Variants in FBXW7 observed in about 807,000 individuals in gnomAD.
The protein encoded by FBXW7 is F-box/WD repeat-containing protein 7.
In FBXW7, 11 loss-of-function variants were observed where a neutral mutation model predicts 86.3. The observed-to-expected ratio is 0.13, with a 90% confidence interval of 0.08 to 0.21. FBXW7 has a LOEUF of 0.21. Among genes scored for constraint, FBXW7 ranks in the 10% least tolerant of loss-of-function variants. FBXW7 has a pLI of 1.00. For synonymous variants in FBXW7, 313 were observed against 297.9 expected, an observed-to-expected ratio of 1.05 and a Z score of -0.52; for missense variants, 488 against 847.4, an observed-to-expected ratio of 0.58 and a Z score of 5.27.
At chr4:152,468,278 C>T (rs1425202678) in intron 2 of FBXW7, among the ~76,000 whole-genome samples, 3 of 151,274 alleles carry the variant, frequency 2.0e-5, no homozygotes, top group African/African-American at 7.3e-5. Context: ...CCCACCCCAT[C>T]CATATATACT....
chr4:152,394,839 G>A (rs1425383743), intron 4 of FBXW7, among the ~76,000 whole-genome samples: 1 of 152,012 alleles, frequency 6.6e-6, no homozygotes, highest in African/African-American at 2.4e-5. Context: ...TTAACGGTTT[G>A]TGCAAGGTCA....
intron 2 of FBXW7, among the ~76,000 whole-genome samples, chr4:152,436,498 A>T (rs1740399540): frequency 6.6e-6 from 1 of 152,250 alleles, no homozygotes; most frequent in Non-Finnish European, 1.5e-5. Context: ...AAGTTACCTA[A>T]AAGGTCTAGC....
At chr4:152,504,272 A>G (rs1388455846) in intron 2 of FBXW7, among the ~76,000 whole-genome samples, 2 of 152,300 alleles carry the variant, frequency 1.3e-5, no homozygotes, top group East Asian at 3.9e-4. Flanking sequence ...ATTTACATTG[A>G]AATTTAAAGT....
chr4:152,333,513 TG>T, intron 7 of FBXW7, among the ~76,000 whole-genome samples: 1 of 152,146 alleles, frequency 6.6e-6, no homozygotes, highest in East Asian at 1.9e-4. Context: ...TTATAGCCTC[TG>T]ACTGATTATT....
intron 2 of FBXW7, among the ~76,000 whole-genome samples, chr4:152,515,572 T>C (rs1279356344): frequency 6.6e-6 from 1 of 152,242 alleles, no homozygotes; most frequent in Non-Finnish European, 1.5e-5. Flanking sequence ...CTAAATTCTG[T>C]ACATTTAGTA....
chr4:152,394,803 T>C (rs1579082932), intron 4 of FBXW7, among the ~76,000 whole-genome samples: 2 of 152,086 alleles, frequency 1.3e-5, no homozygotes, highest in South Asian at 4.1e-4. Context: ...TAGATGCTAC[T>C]ACCGTCCCTA....
At chr4:152,363,738 T>A (rs1056832762) in intron 4 of FBXW7, among the ~76,000 whole-genome samples, 1 of 152,138 alleles carries the variant, frequency 6.6e-6, no homozygotes, top group African/African-American at 2.4e-5. Flanking sequence ...GTGTTTTTCT[T>A]ATATTAATTC....
At chr4:152,395,673 A>G (rs1007221736) in intron 4 of FBXW7, among the ~76,000 whole-genome samples, 2 of 152,046 alleles carry the variant, frequency 1.3e-5, no homozygotes. Context: ...CTTCCACTCC[A>G]AACAACCCAA....
chr4:152,529,960 G>T (rs549396414), intron 2 of FBXW7, among the ~76,000 whole-genome samples: 1 of 151,494 alleles, frequency 6.6e-6, no homozygotes, highest in Non-Finnish European at 1.5e-5. Flanking sequence ...AGAGGCTGAG[G>T]TAGGAGGATG....
intron 2 of FBXW7, among the ~76,000 whole-genome samples, chr4:152,477,255 G>C (rs1206272086): frequency 6.6e-6 from 1 of 152,018 alleles, no homozygotes; most frequent in Non-Finnish European, 1.5e-5. Flanking sequence ...AGTTCCAAAG[G>C]GGTAGGTCAA....
At chr4:152,447,946 T>C (rs1221942911) in intron 2 of FBXW7, among the ~76,000 whole-genome samples, 3 of 152,210 alleles carry the variant, frequency 2.0e-5, no homozygotes, top group Non-Finnish European at 4.4e-5. Context: ...CCAGAATATG[T>C]TGATATTTAG....
chr4:152,475,198 G>A (rs1028912369), intron 2 of FBXW7, among the ~76,000 whole-genome samples: 2 of 151,582 alleles, frequency 1.3e-5, no homozygotes, highest in East Asian at 3.9e-4. Context: ...CCCAGTACAA[G>A]TGGGAGGATC....
chr4:152,403,062 G>A (rs905894296), intron 4 of FBXW7, among the ~76,000 whole-genome samples: 1 of 152,134 alleles, frequency 6.6e-6, no homozygotes, highest in South Asian at 2.1e-4. Flanking sequence ...TTAAAATCAG[G>A]ACTAAAAACC....
At chr4:152,428,605 G>A (rs1459798886) in intron 2 of FBXW7, among the ~76,000 whole-genome samples, 2 of 152,136 alleles carry the variant, frequency 1.3e-5, no homozygotes, top group African/African-American at 4.8e-5. Flanking sequence ...CTGTTATATA[G>A]CATCTATATC....
chr4:152,506,197 T>A (rs1258997205), intron 2 of FBXW7, among the ~76,000 whole-genome samples: 2 of 152,062 alleles, frequency 1.3e-5, no homozygotes, highest in Non-Finnish European at 2.9e-5. Context: ...GGTGGCACGA[T>A]CTCAGCTCAC....
At chr4:152,442,359 C>T (rs1740969972) in intron 2 of FBXW7, among the ~76,000 whole-genome samples, 1 of 152,206 alleles carries the variant, frequency 6.6e-6, no homozygotes, top group Non-Finnish European at 1.5e-5. Flanking sequence ...ATGGCTCCTT[C>T]TAAATTCACC....
intron 4 of FBXW7, among the ~76,000 whole-genome samples, chr4:152,381,602 T>C (rs17028858): frequency 0.019 from 2,830 of 152,218 alleles, 159 homozygotes; most frequent in East Asian, 0.18. Flanking sequence ...CAATAGATCA[T>C]ACAAGTTCTA....
intron 2 of FBXW7, among the ~76,000 whole-genome samples, chr4:152,490,566 A>C (rs891852209): frequency 1.3e-5 from 2 of 152,066 alleles, no homozygotes; most frequent in African/African-American, 2.4e-5. Context: ...AGAGCTAGGA[A>C]ATATTGGGCA....
chr4:152,362,635 G>T (rs1733081471), intron 4 of FBXW7, among the ~76,000 whole-genome samples: 1 of 151,860 alleles, frequency 6.6e-6, no homozygotes, highest in African/African-American at 2.4e-5. Context: ...CCATCACCTG[G>T]CCAAGATGGT....
Sources: gnomAD v4.1 joint callset for allele counts (sites outside exome capture counted in the v4.1 genomes callset) on GRCh38, gnomAD v4.1.1 for gene constraint, MANE v1.5 for transcripts, NCBI Gene and HGNC (gene_info 2026-07-23, HGNC 2026-07-21) for gene names.